The following KCNAB1 variants were observed in gnomAD, a reference collection of about 807,000 sequenced individuals.
The protein encoded by KCNAB1 is potassium voltage-gated channel subfamily A regulatory beta subunit 1.
KCNAB1 carries 35 observed loss-of-function variants against 64.6 expected under a neutral mutation model. The ratio of observed to expected loss-of-function variants is 0.54; its 90% CI spans 0.41 to 0.72. The LOEUF (loss-of-function observed/expected upper bound fraction) is 0.72. Ranked by LOEUF, KCNAB1 falls within the 30% of genes least tolerant of loss-of-function variation. The probability of loss-of-function intolerance (pLI) is 0.00; values close to 1 mark genes in which losing one functional copy is unlikely to be tolerated. For synonymous variants in KCNAB1, 177 were observed against 183.8 expected, an observed-to-expected ratio of 0.96 and a Z score of 0.30; for missense variants, 401 against 512.9, an observed-to-expected ratio of 0.78 and a Z score of 2.11.
intron 2 of KCNAB1, among the ~76,000 whole-genome samples, chr3:156,423,873 T>C (rs1715634468): frequency 6.6e-6 from 1 of 152,142 alleles, no homozygotes; most frequent in Non-Finnish European, 1.5e-5. Context: ...GAAAACTGGA[T>C]AGGATCAATA....
intron 1 of KCNAB1, among the ~76,000 whole-genome samples, chr3:156,283,905 G>A (rs1230832388): frequency 6.6e-6 from 1 of 151,014 alleles, no homozygotes; most frequent in Non-Finnish European, 1.5e-5. Flanking sequence ...TTTGCCTTTG[G>A]TTTGAATGTC....
At chr3:156,299,059 G>T in intron 1 of KCNAB1, among the ~76,000 whole-genome samples, 1 of 152,194 alleles carries the variant, frequency 6.6e-6, no homozygotes, top group Non-Finnish European at 1.5e-5. Flanking sequence ...ATATAGATTG[G>T]CCAGTTAGTT....
chr3:156,462,526 G>A (rs985162816), intron 5 of KCNAB1, among the ~76,000 whole-genome samples: 2 of 152,196 alleles, frequency 1.3e-5, no homozygotes, highest in Admixed American at 1.3e-4. Context: ...TGTATTTATC[G>A]ACCTTCCATT....
intron 1 of KCNAB1, among the ~76,000 whole-genome samples, chr3:156,218,801 A>AAAAAAAAAAAAT (rs371264941): frequency 1.4e-4 from 16 of 112,242 alleles, no homozygotes; most frequent in East Asian, 8.4e-4. Flanking sequence ...AAAAAAAAAA[A>AAAAAAAAAAAAT]AATAATAATA....
At chr3:156,472,754 C>T (rs1419326592) in intron 7 of KCNAB1, among the ~76,000 whole-genome samples, 2 of 152,132 alleles carry the variant, frequency 1.3e-5, no homozygotes, top group Admixed American at 6.5e-5. Flanking sequence ...TGCCAATAGC[C>T]GCTCTCAATA....
At chr3:156,218,786 C>CAAAAAAAAA (rs1228783831) in intron 1 of KCNAB1, among the ~76,000 whole-genome samples, 9 of 92,580 alleles carry the variant, frequency 9.7e-5, no homozygotes, top group South Asian at 3.7e-4. Context: ...CCCAGAACAG[C>CAAAAAAAAA]AAAAAAAAAA....
chr3:156,386,530 C>T (rs1437585517), intron 1 of KCNAB1, among the ~76,000 whole-genome samples: 1 of 152,162 alleles, frequency 6.6e-6, no homozygotes, highest in African/African-American at 2.4e-5. Flanking sequence ...AGGAAATGAC[C>T]TCTCCCTGGT....
At chr3:156,313,996 C>T (rs1722108713) in intron 1 of KCNAB1, among the ~76,000 whole-genome samples, 2 of 152,226 alleles carry the variant, frequency 1.3e-5, no homozygotes, top group Admixed American at 1.3e-4. Context: ...GAAGTATTCT[C>T]TGTCTCTCAC....
At chr3:156,249,199 G>T (rs1001508992) in intron 1 of KCNAB1, among the ~76,000 whole-genome samples, 3 of 152,112 alleles carry the variant, frequency 2.0e-5, no homozygotes, top group Admixed American at 2.0e-4. Flanking sequence ...ATTAGTTAGT[G>T]GGAATGACTT....
intron 11 of KCNAB1, 33 bp from the exon 12 acceptor site, chr3:156,523,794 A>C: frequency 6.3e-7 from 1 of 1,593,230 alleles, no homozygotes; most frequent in Middle Eastern, 1.7e-4. Flanking sequence ...TCTTTACCAG[A>C]CATTAACATT....
chr3:156,199,825 C>A (rs112563925), intron 1 of KCNAB1, among the ~76,000 whole-genome samples: 2,261 of 152,302 alleles, frequency 0.015, 69 homozygotes, highest in African/African-American at 0.052. Context: ...TCTGTCAATT[C>A]ATCAAACTCA....
At chr3:156,356,115 C>G (rs1725214820) in intron 1 of KCNAB1, among the ~76,000 whole-genome samples, 1 of 125,730 alleles carries the variant, frequency 8.0e-6, no homozygotes, top group Non-Finnish European at 1.6e-5. Context: ...GAGTGGGACC[C>G]TGTAAAAAAA....
intron 1 of KCNAB1, among the ~76,000 whole-genome samples, chr3:156,286,181 T>C (rs1720090321): frequency 6.6e-6 from 1 of 152,228 alleles, no homozygotes. Context: ...CTTTGCCTGT[T>C]ATTCAAAATG....
At chr3:156,409,361 T>C (rs115228404) in intron 1 of KCNAB1, among the ~76,000 whole-genome samples, 1,872 of 152,384 alleles carry the variant, frequency 0.012, 18 homozygotes, top group South Asian at 0.031. Flanking sequence ...CATAGGATTC[T>C]ATAGTTGCCA....
chr3:156,146,948 G>T (rs988910358), intron 1 of KCNAB1, among the ~76,000 whole-genome samples: 4 of 152,128 alleles, frequency 2.6e-5, no homozygotes, highest in Non-Finnish European at 5.9e-5. Flanking sequence ...TTACTTGTTT[G>T]TATTTATTTA....
chr3:156,173,418 T>G (rs780025886), intron 1 of KCNAB1, among the ~76,000 whole-genome samples: 3 of 152,182 alleles, frequency 2.0e-5, no homozygotes, highest in Non-Finnish European at 4.4e-5. Context: ...TTTAACTACT[T>G]AGTTATAAAT....
intron 7 of KCNAB1, among the ~76,000 whole-genome samples, chr3:156,473,376 CT>C (rs1463441007): frequency 2.0e-5 from 3 of 152,142 alleles, no homozygotes; most frequent in African/African-American, 7.2e-5. Flanking sequence ...TATTTGTTTA[CT>C]TAGTATTCCT....
chr3:156,513,355 A>AT (rs1717345573), intron 8 of KCNAB1, among the ~76,000 whole-genome samples: 1 of 152,066 alleles, frequency 6.6e-6, no homozygotes, highest in African/African-American at 2.4e-5. Context: ...AATAATAATA[A>AT]AAAAATACAT....
chr3:156,382,861 C>A (rs531627990), intron 1 of KCNAB1, among the ~76,000 whole-genome samples: 1 of 152,322 alleles, frequency 6.6e-6, no homozygotes, highest in East Asian at 1.9e-4. Context: ...AGCCTGAGGG[C>A]TTGTTACATG....
Sources: gnomAD v4.1 joint callset for allele counts (sites outside exome capture counted in the v4.1 genomes callset) on GRCh38, gnomAD v4.1.1 for gene constraint, MANE v1.5 for transcripts, NCBI Gene and HGNC (gene_info 2026-07-23, HGNC 2026-07-21) for gene names.